Variants in TENM3 observed in about 807,000 individuals in gnomAD.
TENM3 encodes the protein teneurin-3.
Under a neutral mutation model 255.1 loss-of-function variants are expected in TENM3, and 63 were observed. The ratio of observed to expected loss-of-function variants is 0.25; its 90% CI spans 0.20 to 0.30. The LOEUF (loss-of-function observed/expected upper bound fraction) is 0.30, where lower values mean the gene tolerates loss of function less well. TENM3 is among the 10% of genes least tolerant of loss of function. TENM3 has a pLI of 1.00. For missense variants in TENM3, 2,929 were observed against 3,461.1 expected (o/e 0.85, Z 3.86); for synonymous variants, 1,306 against 1,322.3 (o/e 0.99, Z 0.27).
the TENM3 span, among the ~76,000 whole-genome samples, chr4:181,905,183 G>T: frequency 6.6e-6 from 1 of 152,200 alleles, no homozygotes; most frequent in African/African-American, 2.4e-5. Context: ...CTTCTGTCTT[G>T]CCTTATTTTT....
At chr4:182,610,192 A>C (rs983960218) in intron 4 of TENM3, among the ~76,000 whole-genome samples, 1 of 152,274 alleles carries the variant, frequency 6.6e-6, no homozygotes, top group Non-Finnish European at 1.5e-5. Flanking sequence ...AATATGGGAA[A>C]GAAATTCTCT....
chr4:182,472,958 A>G (rs1303632059), intron 3 of TENM3, among the ~76,000 whole-genome samples: 1 of 152,144 alleles, frequency 6.6e-6, no homozygotes, highest in Non-Finnish European at 1.5e-5. Flanking sequence ...GCTGGCCTCT[A>G]TTATATCATG....
the TENM3 span, among the ~76,000 whole-genome samples, chr4:181,461,091 AG>A: frequency 1.3e-5 from 2 of 152,148 alleles, no homozygotes; most frequent in African/African-American, 4.8e-5. Flanking sequence ...GAAGAGAAAA[AG>A]CTTCACTGTA....
the TENM3 span, among the ~76,000 whole-genome samples, chr4:181,460,728 A>G: frequency 6.7e-6 from 1 of 148,658 alleles, no homozygotes; most frequent in Non-Finnish European, 1.5e-5. Flanking sequence ...ACCCAGTTAA[A>G]TTACCACATA....
At chr4:182,181,037 T>A (rs955759590) in intron 1 of TENM3, among the ~76,000 whole-genome samples, 10 of 152,106 alleles carry the variant, frequency 6.6e-5, no homozygotes, top group South Asian at 2.1e-4. Context: ...ATTTTTTTTT[T>A]AATTTACTAG....
At chr4:182,376,597 A>G (rs1166889441) in intron 3 of TENM3, among the ~76,000 whole-genome samples, 1 of 152,190 alleles carries the variant, frequency 6.6e-6, no homozygotes, top group Non-Finnish European at 1.5e-5. Context: ...ATCAGCTAAG[A>G]TTTGTTTGGG....
chr4:181,837,732 A>C, the TENM3 span, among the ~76,000 whole-genome samples: 1 of 152,172 alleles, frequency 6.6e-6, no homozygotes, highest in Non-Finnish European at 1.5e-5. Flanking sequence ...TGAGTGTTCT[A>C]GCCCAAAAGT....
chr4:182,308,413 C>T (rs1762256362), intron 1 of TENM3, among the ~76,000 whole-genome samples: 1 of 152,098 alleles, frequency 6.6e-6, no homozygotes, highest in Admixed American at 6.5e-5. Flanking sequence ...AACTCCTGGG[C>T]TCAAGTGATC....
Position 182,738,555 on chromosome 4 carries a change from G to A in TENM3, c.3379+11G>A, listed in dbSNP as rs1316527589. ...TGGATGTACAGAACGGTAAGCTCTT[G>A]TTCATAGATAACTGATGTTGTAATG... On this transcript the variant is annotated intron_variant, in intron 18 of 27. Coordinates refer to ENST00000511685, the MANE Select transcript of TENM3 (RefSeq NM_001080477.4). The A allele has an allele frequency of 2.5e-6, 4 of 1,604,390 alleles. No homozygotes were observed. Among genetic ancestry groups the A allele is most frequent in the Admixed American group, 1.7e-5 (1 of 58,650 alleles).
chr4:182,525,260 T>A (rs1739037807), intron 3 of TENM3, among the ~76,000 whole-genome samples: 1 of 152,206 alleles, frequency 6.6e-6, no homozygotes, highest in Admixed American at 6.5e-5. Context: ...GACTCCATAG[T>A]CTATTAAAAA....
the TENM3 span, among the ~76,000 whole-genome samples, chr4:182,119,862 T>C: frequency 1.3e-5 from 2 of 152,056 alleles, no homozygotes; most frequent in Non-Finnish European, 2.9e-5. Context: ...CCACCGTGCC[T>C]GGCTAATTTT....
the TENM3 span, among the ~76,000 whole-genome samples, chr4:182,066,622 A>ATATATAT: frequency 6.8e-6 from 1 of 147,194 alleles, no homozygotes; most frequent in Non-Finnish European, 1.5e-5. Flanking sequence ...ATATATATAT[A>ATATATAT]AGCTTGGGCC....
At chr4:182,330,621 A>C (rs1763685845) in intron 2 of TENM3, among the ~76,000 whole-genome samples, 1 of 152,264 alleles carries the variant, frequency 6.6e-6, no homozygotes, top group Non-Finnish European at 1.5e-5. Context: ...AGTAAATGAA[A>C]GATACTTAGG....
chr4:181,466,007 G>A, the TENM3 span, among the ~76,000 whole-genome samples: 1 of 152,020 alleles, frequency 6.6e-6, no homozygotes, highest in African/African-American at 2.4e-5. Context: ...ATCAGAAGCC[G>A]CCTACATGCC....
chr4:182,785,945 T>G (rs923909379), intron 24 of TENM3, among the ~76,000 whole-genome samples: 8 of 152,266 alleles, frequency 5.3e-5, no homozygotes, highest in African/African-American at 1.9e-4. Context: ...TCTTAGTATC[T>G]TTTGAAATGT....
the TENM3 span, among the ~76,000 whole-genome samples, chr4:181,901,511 G>T: frequency 2.6e-5 from 4 of 152,306 alleles, no homozygotes; most frequent in Non-Finnish European, 1.5e-5. Context: ...CTGCCTACAA[G>T]AATTATTTTA....
intron 1 of TENM3, among the ~76,000 whole-genome samples, chr4:182,199,720 C>CTTTTTTTTTTTTT (rs367906246): frequency 9.5e-6 from 1 of 104,854 alleles, no homozygotes; most frequent in Non-Finnish European, 1.8e-5. Context: ...AACATCATTG[C>CTTTTTTTTTTTTT]TTTTTTTTTT....
chr4:181,567,373 T>A, the TENM3 span, among the ~76,000 whole-genome samples: 2 of 152,204 alleles, frequency 1.3e-5, no homozygotes, highest in African/African-American at 4.8e-5. Context: ...AGAAACTTTA[T>A]CTTGACTTAG....
the TENM3 span, among the ~76,000 whole-genome samples, chr4:182,020,201 C>A: frequency 6.6e-6 from 1 of 151,882 alleles, no homozygotes; most frequent in South Asian, 2.1e-4. Context: ...CCCATTTCTA[C>A]TAAAAATACA....
Sources: gnomAD v4.1 joint callset for allele counts (sites outside exome capture counted in the v4.1 genomes callset) on GRCh38, gnomAD v4.1.1 for gene constraint, MANE v1.5 for transcripts, NCBI Gene and HGNC (gene_info 2026-07-23, HGNC 2026-07-21) for gene names.